ATF2: variants seen among roughly 807,000 people sequenced by gnomAD.
ATF2 encodes the protein cyclic AMP-dependent transcription factor ATF-2.
A neutral mutation model predicts 60.6 loss-of-function variants in ATF2; 24 were observed. The ratio of observed to expected loss-of-function variants is 0.40; its 90% CI spans 0.29 to 0.56. ATF2 has a LOEUF of 0.56. Among genes scored for constraint, ATF2 ranks in the 20% least tolerant of loss-of-function variants. The probability of loss-of-function intolerance (pLI) is 0.54; values close to 1 mark genes in which losing one functional copy is unlikely to be tolerated. For missense variants in ATF2, 433 were observed against 607.7 expected (o/e 0.71, Z 3.02); for synonymous variants, 206 against 215.4 (o/e 0.96, Z 0.38).
At chr2:175,103,677 TAAAA>T (rs75197426) in intron 10 of ATF2, among the ~76,000 whole-genome samples, 1 of 129,874 alleles carries the variant, frequency 7.7e-6, no homozygotes, top group Non-Finnish European at 1.7e-5. Flanking sequence ...TCACACATCT[TAAAA>T]AAAAAAAAAA....
At chr2:175,079,454 T>C (rs138305142) in intron 13 of ATF2, among the ~76,000 whole-genome samples, 2 of 152,100 alleles carry the variant, frequency 1.3e-5, no homozygotes, top group African/African-American at 4.8e-5. Flanking sequence ...GAAGCAATCA[T>C]TGTTAATATA....
chr2:175,086,599 G>T (rs973422394), intron 12 of ATF2, among the ~76,000 whole-genome samples: 10 of 152,058 alleles, frequency 6.6e-5, no homozygotes, highest in Non-Finnish European at 8.8e-5. Flanking sequence ...AGTAGAGATG[G>T]GGTTTCACCA....
intron 1 of ATF2, among the ~76,000 whole-genome samples, chr2:175,165,881 G>A (rs1444482891): frequency 6.6e-6 from 1 of 152,106 alleles, no homozygotes; most frequent in Admixed American, 6.6e-5. Context: ...AGCTAGGATG[G>A]TCTCGATCTC....
At chr2:175,108,545 CGGGA>C (rs1695915843) in intron 10 of ATF2, among the ~76,000 whole-genome samples, 1 of 149,636 alleles carries the variant, frequency 6.7e-6, no homozygotes, top group Admixed American at 6.6e-5. Flanking sequence ...CCGCCCCATC[CGGGA>C]GGGAGGTGGG....
intron 3 of ATF2, among the ~76,000 whole-genome samples, chr2:175,132,429 C>T (rs1417847643): frequency 6.6e-6 from 1 of 152,134 alleles, no homozygotes; most frequent in East Asian, 1.9e-4. Context: ...TTTTCTGCAT[C>T]TATTCAGATA....
intron 12 of ATF2, among the ~76,000 whole-genome samples, chr2:175,083,884 A>G (rs913315662): frequency 1.3e-5 from 2 of 152,240 alleles, no homozygotes; most frequent in African/African-American, 4.8e-5. Context: ...GCCAAAAGAC[A>G]CATGAAAAAA....
chr2:175,085,443 G>C (rs1268230248), intron 12 of ATF2, among the ~76,000 whole-genome samples: 3 of 152,094 alleles, frequency 2.0e-5, no homozygotes. Context: ...GCTGAGGCAG[G>C]AGAACTGCTT....
chr2:175,133,550 T>A (rs1222715607), intron 3 of ATF2, among the ~76,000 whole-genome samples: 1 of 152,162 alleles, frequency 6.6e-6, no homozygotes, highest in Non-Finnish European at 1.5e-5. Context: ...GGAAAAAAGA[T>A]TTTTAGCCAA....
intron 1 of ATF2, among the ~76,000 whole-genome samples, chr2:175,156,629 G>GT: frequency 6.6e-6 from 1 of 152,242 alleles, no homozygotes; most frequent in South Asian, 2.1e-4. Context: ...CTCATAGCCA[G>GT]TAAGGAAAGA....
intron 1 of ATF2, among the ~76,000 whole-genome samples, chr2:175,156,809 G>A: frequency 6.6e-6 from 1 of 152,156 alleles, no homozygotes; most frequent in East Asian, 1.9e-4. Context: ...TGGACTTCTG[G>A]CCTACTAAAA....
intron 10 of ATF2, among the ~76,000 whole-genome samples, chr2:175,099,475 C>T (rs1395751197): frequency 6.6e-6 from 1 of 152,148 alleles, no homozygotes; most frequent in African/African-American, 2.4e-5. Context: ...AGTTTTACCA[C>T]AATAAAATCC....
chr2:175,164,077 G>T (rs1700201214), intron 1 of ATF2, among the ~76,000 whole-genome samples: 1 of 148,904 alleles, frequency 6.7e-6, no homozygotes, highest in South Asian at 2.1e-4. Flanking sequence ...AATAGGCCCG[G>T]GTGCAGTGGC....
chr2:175,156,391 A>C (rs928086511), intron 1 of ATF2, among the ~76,000 whole-genome samples: 5 of 149,968 alleles, frequency 3.3e-5, no homozygotes, highest in Admixed American at 6.6e-5. Context: ...AAAAAAAAAA[A>C]AAAAAAAAAA....
intron 3 of ATF2, among the ~76,000 whole-genome samples, chr2:175,133,177 C>G (rs1697868388): frequency 6.6e-6 from 1 of 151,802 alleles, no homozygotes; most frequent in African/African-American, 2.4e-5. Context: ...ATGCAAAAGA[C>G]AATGAATAAA....
intron 2 of ATF2, among the ~76,000 whole-genome samples, chr2:175,137,944 C>T (rs556133758): frequency 6.6e-6 from 1 of 152,258 alleles, no homozygotes; most frequent in East Asian, 1.9e-4. Context: ...GTTAATCTAA[C>T]TGAATCTAAA....
chr2:175,166,840 C>T (rs565273830), intron 1 of ATF2, among the ~76,000 whole-genome samples: 4 of 152,248 alleles, frequency 2.6e-5, no homozygotes, highest in African/African-American at 9.6e-5. Flanking sequence ...TTGTGACCGT[C>T]TCCATAATTT....
At chr2:175,112,330 G>A (rs879491673) in intron 9 of ATF2, among the ~76,000 whole-genome samples, 1 of 152,114 alleles carries the variant, frequency 6.6e-6, no homozygotes, top group Non-Finnish European at 1.5e-5. Context: ...TAAAGAGGAA[G>A]CAGATACCTT....
chr2:175,131,968 A>C (rs982158026), intron 3 of ATF2, among the ~76,000 whole-genome samples: 3 of 152,184 alleles, frequency 2.0e-5, no homozygotes, highest in East Asian at 3.8e-4. Context: ...CAAAACAAAA[A>C]ATTTAGTGAG....
rs926995365 is a variant in ATF2, at chr2:175,074,510, T to G, written c.*99A>C. On this transcript the variant is annotated 3_prime_UTR_variant, in exon 14 of 14. Transcript: ENST00000264110. ...TAATTTCAAGTAAAAAAAAAAAATT[T>G]ACAACCACAGATTTCGCATAAATGG... 1 of 1,406,892 alleles carries G rather than the reference T, an allele frequency of 7.1e-7. No individual in the cohort carries two copies. The highest frequency in any genetic ancestry group is 1.5e-5 in the African/African-American group (1 of 68,568). The allele number at this position is 1,406,892 out of a possible 1,614,324, so 87.2% of individuals were successfully genotyped here. A position where few individuals can be genotyped will look rare whatever the true frequency, so the allele number is the denominator to read the frequency against.
Sources: gnomAD v4.1 joint callset for allele counts (sites outside exome capture counted in the v4.1 genomes callset) on GRCh38, gnomAD v4.1.1 for gene constraint, MANE v1.5 for transcripts, NCBI Gene and HGNC (gene_info 2026-07-23, HGNC 2026-07-21) for gene names.